DLG2: variants seen among roughly 807,000 people sequenced by gnomAD.
The protein encoded by DLG2 is disks large homolog 2.
A neutral mutation model predicts 132.5 loss-of-function variants in DLG2; 45 were observed. The ratio of observed to expected loss-of-function variants is 0.34; its 90% confidence interval spans 0.27 to 0.44. The LOEUF is 0.44. DLG2 is among the 20% of genes least tolerant of loss of function. DLG2 has a pLI of 1.00. For synonymous variants in DLG2, 424 were observed against 419.6 expected (o/e 1.01, Z -0.13); for missense variants, 1,045 against 1,196.9 (o/e 0.87, Z 1.87).
At chr11:85,583,907 T>C (rs1362977757) in intron 3 of DLG2, among the ~76,000 whole-genome samples, 2 of 152,218 alleles carry the variant, frequency 1.3e-5, no homozygotes, top group Non-Finnish European at 2.9e-5. Context: ...ATGTGGTTTT[T>C]TAATGTGTTT....
At chr11:84,403,082 T>C (rs1258763403) in intron 7 of DLG2, among the ~76,000 whole-genome samples, 2 of 151,990 alleles carry the variant, frequency 1.3e-5, no homozygotes, top group Non-Finnish European at 2.9e-5. Flanking sequence ...TATTTCACCA[T>C]TCTCAAGTTC....
At chr11:83,895,483 AGT>A (rs2071393941) in intron 15 of DLG2, among the ~76,000 whole-genome samples, 1 of 152,152 alleles carries the variant, frequency 6.6e-6, no homozygotes, top group African/African-American at 2.4e-5. Flanking sequence ...TTAACACAGT[AGT>A]GGAAACATTC....
chr11:85,026,136 T>C lies in DLG2; in HGVS notation c.357+85525A>G, dbSNP rs2060493188. Among the ~76,000 whole-genome samples, 3 of 151,906 alleles carry C rather than the reference T, an allele frequency of 2.0e-5. No individual in the cohort carries two copies. In the South Asian group the frequency reaches 6.2e-4, roughly 32 times the overall value. On this transcript the variant is annotated intron_variant, in intron 6 of 27. Coordinates refer to ENST00000376104, the MANE Select transcript of DLG2 (RefSeq NM_001142699.3). ...ATTTACATATTTGAACATAAGAAAG[T>C]TAAAATTTTCAAACAAAAGGCAGCA... is the stretch of plus-strand genomic sequence containing the variant.
intron 4 of DLG2, among the ~76,000 whole-genome samples, chr11:85,278,302 G>C (rs1454261394): frequency 6.6e-6 from 1 of 152,142 alleles, no homozygotes; most frequent in Non-Finnish European, 1.5e-5. Context: ...ATGAAGTGAG[G>C]AATGAATCAA....
At chr11:83,600,861 G>C (rs1409384846) in intron 19 of DLG2, among the ~76,000 whole-genome samples, 2 of 152,234 alleles carry the variant, frequency 1.3e-5, no homozygotes, top group Non-Finnish European at 2.9e-5. Context: ...TGGTGTGATA[G>C]AGGCTGTTGA....
intron 18 of DLG2, among the ~76,000 whole-genome samples, chr11:83,679,227 A>G (rs921584436): frequency 2.0e-5 from 3 of 152,160 alleles, no homozygotes; most frequent in African/African-American, 7.2e-5. Flanking sequence ...AATAGGATCT[A>G]CCTGGTAGGG....
At chr11:84,077,163 T>A (rs947688311) in intron 10 of DLG2, among the ~76,000 whole-genome samples, 1 of 152,216 alleles carries the variant, frequency 6.6e-6, no homozygotes, top group Non-Finnish European at 1.5e-5. Context: ...TACTGTCCTA[T>A]CTCCTTCCTC....
At position 85,191,159 on chromosome 11, in the gene DLG2, C is replaced by T. The variant is rs534872463; in HGVS notation, c.187-36508G>A. On this transcript the variant is annotated intron_variant, in intron 4 of 27. Coordinates refer to ENST00000376104, the MANE Select transcript of DLG2 (RefSeq NM_001142699.3). ...CTATATGCATGCGCGCGCGCGCACG[C>T]GCGCACACACACACACACACACACA... is the stretch of plus-strand genomic sequence containing the variant. 3.5e-4 allele frequency among the ~76,000 whole-genome samples: 42 copies of T among 121,256 alleles called. 1 individual carries two copies. The East Asian group carries it at 7.3e-3, about 21-fold the overall frequency. The allele number at this position is 121,256 out of a possible 152,430, so 79.5% of individuals were successfully genotyped here. A position where few individuals can be genotyped will look rare whatever the true frequency, so the allele number is the denominator to read the frequency against.
Position 85,331,234 on chromosome 11 carries a change from G to T in DLG2, c.41-45869C>A, listed in dbSNP as rs373742285. 1.2e-3 allele frequency among the ~76,000 whole-genome samples: 189 copies of T among 152,212 alleles called. 3 individuals are homozygous for T. The South Asian group carries it at 0.019, about 15-fold the overall frequency. On this transcript the variant is annotated intron_variant, in intron 3 of 27. Coordinates refer to ENST00000376104, the MANE Select transcript of DLG2 (RefSeq NM_001142699.3). Reference sequence around the variant, plus strand: ...CAACTAGCAGGCCAAAACTGTTAATGAGAACATTAATATGACAAAATATGT... The same window carrying T: ...CAACTAGCAGGCCAAAACTGTTAATTAGAACATTAATATGACAAAATATGT...
chr11:83,750,007 T>C (rs1160085723), intron 18 of DLG2, among the ~76,000 whole-genome samples: 2 of 152,212 alleles, frequency 1.3e-5, no homozygotes, highest in Admixed American at 1.3e-4. Flanking sequence ...ATGAACTAAT[T>C]TGATACATGT....
intron 19 of DLG2, among the ~76,000 whole-genome samples, chr11:83,627,536 C>T (rs1286432024): frequency 3.3e-5 from 5 of 152,182 alleles, no homozygotes; most frequent in South Asian, 2.1e-4. Flanking sequence ...CTACAAAGGA[C>T]ATGAACTCAT....
At chr11:83,760,015 G>A (rs1183376754) in intron 18 of DLG2, among the ~76,000 whole-genome samples, 1 of 152,184 alleles carries the variant, frequency 6.6e-6, no homozygotes, top group African/African-American at 2.4e-5. Flanking sequence ...AGAAGGCAGA[G>A]AGGACATACT....
At chr11:84,060,084 G>C (rs1205041012) in intron 10 of DLG2, among the ~76,000 whole-genome samples, 2 of 152,080 alleles carry the variant, frequency 1.3e-5, no homozygotes, top group Non-Finnish European at 2.9e-5. Context: ...AGGCCAAGGT[G>C]GCAGGATCAC....
chr11:84,875,873 G>A (rs1341698899), intron 6 of DLG2, among the ~76,000 whole-genome samples: 1 of 152,054 alleles, frequency 6.6e-6, no homozygotes. Context: ...GAGTAACGAG[G>A]ATTACAGGTG....
At chr11:84,648,468 C>A (rs975905236) in intron 6 of DLG2, among the ~76,000 whole-genome samples, 1 of 152,018 alleles carries the variant, frequency 6.6e-6, no homozygotes, top group Non-Finnish European at 1.5e-5. Flanking sequence ...TCTTGACTTT[C>A]ATTTTATTTC....
chr11:84,308,309 T>A (rs956625163), intron 7 of DLG2, among the ~76,000 whole-genome samples: 1 of 151,958 alleles, frequency 6.6e-6, no homozygotes, highest in Non-Finnish European at 1.5e-5. Context: ...CCCACCAGAG[T>A]AGCTAGATAC....
chr11:85,440,093 A>T (rs2091702383), intron 3 of DLG2, among the ~76,000 whole-genome samples: 1 of 152,200 alleles, frequency 6.6e-6, no homozygotes, highest in South Asian at 2.1e-4. Flanking sequence ...TTATAATATG[A>T]CTAATATTTA....
At chr11:84,632,530 C>T (rs1014076984) in intron 6 of DLG2, among the ~76,000 whole-genome samples, 3 of 152,128 alleles carry the variant, frequency 2.0e-5, no homozygotes. Context: ...TCCCATTTTA[C>T]AAATGGAGCT....
At chr11:84,384,897 C>T (rs903690222) in intron 7 of DLG2, among the ~76,000 whole-genome samples, 8 of 152,088 alleles carry the variant, frequency 5.3e-5, no homozygotes, top group Non-Finnish European at 8.8e-5. Context: ...ATGATACATT[C>T]AAAGGCAACT....
Sources: gnomAD v4.1 joint callset for allele counts (sites outside exome capture counted in the v4.1 genomes callset) on GRCh38, gnomAD v4.1.1 for gene constraint, MANE v1.5 for transcripts, NCBI Gene and HGNC (gene_info 2026-07-23, HGNC 2026-07-21) for gene names.